Variants in EPHX2 observed in about 807,000 individuals in gnomAD.
EPHX2 encodes bifunctional epoxide hydrolase 2.
Under a neutral mutation model 78.7 loss-of-function variants are expected in EPHX2, and 74 were observed. That is an observed-to-expected ratio of 0.94 (90% CI 0.78 to 1.14). The LOEUF is 1.14. EPHX2 is among the 50% of genes most tolerant of loss of function. The pLI, the probability that EPHX2 is intolerant of heterozygous loss-of-function variation, is 0.00. For missense variants in EPHX2, 715 were observed against 702.5 expected (o/e 1.02, Z -0.20); for synonymous variants, 251 against 255.2 (o/e 0.98, Z 0.16).
intron 11 of EPHX2, among the ~76,000 whole-genome samples, chr8:27,525,089 TGTGTGTGTGTGTGTGTGTGC>T (rs879592155): frequency 2.3e-3 from 342 of 146,758 alleles, no homozygotes; most frequent in Non-Finnish European, 3.2e-3. Flanking sequence ...TGTGTGTGTG[TGTGTGTGTGTGTGTGTGTGC>T]GCGCGCGCGC....
intron 11 of EPHX2, 142 bp downstream of exon 11, chr8:27,522,650 T>C: frequency 2.4e-6 from 2 of 823,918 alleles, no homozygotes; most frequent in Non-Finnish European, 3.8e-6. Flanking sequence ...CTCTTTAGTG[T>C]CTGGTGACAC....
In EPHX2 at chr8:27,503,617, T is replaced by A; in HGVS notation, c.200T>A (p.Met67Lys). 1.9e-6 allele frequency: 3 copies of A among 1,611,486 alleles called. No individual in the cohort carries two copies. The highest frequency in any genetic ancestry group is 2.5e-6 in the Non-Finnish European group (3 of 1,178,848). ...TCACTTTGACAGTGGATACCACTCA[T>A]GGAAGAAAACTGCAGGAAGTGCTCC... ...EITLSQWIPL[M>K]EENCRKCSET... The change falls in exon 3 of 19, where the codon ATG becomes AAG. Residue 67 changes from methionine (M) to lysine (K), a missense_variant. By Grantham distance (95) the Met-to-Lys change is moderately conservative. Transcript: ENST00000521400.
chr8:27,505,549 G>A (rs928401611), intron 4 of EPHX2, among the ~76,000 whole-genome samples: 2 of 152,192 alleles, frequency 1.3e-5, no homozygotes, highest in African/African-American at 4.8e-5. Context: ...GACACCCTGT[G>A]CCCTGAGCCT....
intron 4 of EPHX2, 74 bp from the exon 5 acceptor site, chr8:27,506,798 T>A: frequency 6.4e-7 from 1 of 1,559,596 alleles, no homozygotes. Flanking sequence ...TTTAATCTCC[T>A]CATCATAAAA....
chr8:27,530,598 G>T (rs1438800216), intron 12 of EPHX2, among the ~76,000 whole-genome samples: 1 of 151,720 alleles, frequency 6.6e-6, no homozygotes, highest in East Asian at 1.9e-4. Flanking sequence ...TCTTTTTAAT[G>T]GCTGCATGGG....
intron 12 of EPHX2, among the ~76,000 whole-genome samples, chr8:27,526,448 C>T (rs969355229): frequency 6.6e-6 from 1 of 152,174 alleles, no homozygotes; most frequent in Non-Finnish European, 1.5e-5. Context: ...TGGGAATCCA[C>T]GAGCTTCCTT....
chr8:27,506,424 A>G (rs1814008464), intron 4 of EPHX2, among the ~76,000 whole-genome samples: 1 of 152,214 alleles, frequency 6.6e-6, no homozygotes, highest in Admixed American at 6.5e-5. Flanking sequence ...TACCAATTGG[A>G]CATGACACTT....
chr8:27,498,491 C>G (rs1376494822), intron 1 of EPHX2, among the ~76,000 whole-genome samples: 2 of 151,974 alleles, frequency 1.3e-5, no homozygotes, highest in African/African-American at 2.4e-5. Context: ...TATTCTTTCC[C>G]TAGTTCCTCT....
At chr8:27,546,142 AAAAG>A (rs2132814509), downstream of EPHX2, among the ~76,000 whole-genome samples, 1 of 152,040 alleles carries the variant, frequency 6.6e-6, no homozygotes, top group African/African-American at 2.4e-5. Flanking sequence ...AAAAAAAAAA[AAAAG>A]AGAAGTTCTC....
intron 13 of EPHX2, 39 bp downstream of exon 13, chr8:27,536,894 C>A: frequency 1.9e-6 from 3 of 1,607,760 alleles, no homozygotes; most frequent in East Asian, 2.2e-5. Context: ...CAGGAGGGGG[C>A]AGTTGTGAAG....
chr8:27,515,676 C>T, intron 6 of EPHX2, 42 bp from the exon 7 acceptor site: 2 of 1,562,950 alleles, frequency 1.3e-6, no homozygotes, highest in Non-Finnish European at 1.8e-6. Context: ...GTCCACTGGG[C>T]CTGGTGCTTG....
chr8:27,503,620 A>G lies in EPHX2; in HGVS notation c.203A>G (p.Glu68Gly). ...ITLSQWIPLMEENCRKCSETA... is the reference protein window; with the variant it reads ...ITLSQWIPLMGENCRKCSETA... ...CTTTGACAGTGGATACCACTCATGG[A>G]AGAAAACTGCAGGAAGTGCTCCGAG... The change falls in exon 3 of 19, where the codon GAA becomes GGA. Residue 68 changes from glutamate (E) to glycine (G), a missense_variant. Glu to Gly is a moderately conservative substitution (Grantham distance 98). Transcript: ENST00000521400. The G allele has an allele frequency of 6.2e-7, 1 of 1,611,876 alleles. No homozygotes were observed.
intron 6 of EPHX2, among the ~76,000 whole-genome samples, chr8:27,514,454 T>C (rs1329676593): frequency 6.6e-6 from 1 of 152,202 alleles, no homozygotes; most frequent in East Asian, 1.9e-4. Flanking sequence ...AGATATGTAA[T>C]TGGGGTAAGA....
At chr8:27,495,009 T>G (rs1331765760) in intron 1 of EPHX2, among the ~76,000 whole-genome samples, 2 of 152,244 alleles carry the variant, frequency 1.3e-5, no homozygotes, top group African/African-American at 4.8e-5. Flanking sequence ...GCAGCAATTT[T>G]GGCCTCAGTG....
chr8:27,548,424 A>G (rs1302648788), downstream of EPHX2, among the ~76,000 whole-genome samples: 2 of 152,194 alleles, frequency 1.3e-5, no homozygotes, highest in Admixed American at 6.5e-5. Flanking sequence ...ATGATAAAAT[A>G]CTTTCTTGCC....
rs1372081270 is a variant in EPHX2, at chr8:27,503,747, C to T, written c.330C>T (p.Leu110=). 2.5e-6 allele frequency: 4 copies of T among 1,612,370 alleles called. No individual in the cohort carries two copies. Among genetic ancestry groups the T allele is most frequent in the Non-Finnish European group, 3.4e-6 (4 of 1,179,926 alleles). ...ACCGCCCCATGCTCCAGGCAGCTCTCATGCTCAGGAAGAAAGGTAAGGATC... is the reference window on the plus strand; with the variant it reads ...ACCGCCCCATGCTCCAGGCAGCTCTTATGCTCAGGAAGAAAGGTAAGGATC... ...KINRPMLQAA[L]MLRKKGFTTA... is the part of the protein sequence containing the mutation. The change falls in exon 3 of 19, where the codon CTC becomes CTT. Residue 110 remains leucine (L), a synonymous_variant. Transcript: ENST00000521400.
chr8:27,493,448 G>A (rs1030032551), intron 1 of EPHX2, among the ~76,000 whole-genome samples: 1 of 152,208 alleles, frequency 6.6e-6, no homozygotes, highest in African/African-American at 2.4e-5. Flanking sequence ...GGATTGTAGA[G>A]TAAGGATAGA....
In EPHX2 at chr8:27,538,858, C is replaced by G. The variant is rs115498379; in HGVS notation, c.1276+166C>G. ...GCATAGGGCTGACTCTAACCCCAGG[C>G]CTGAGCACACAGCCTGGAGTTCCTA... is the stretch of plus-strand genomic sequence containing the variant. On this transcript the variant is annotated intron_variant, in intron 14 of 18. Transcript: ENST00000521400. 493 of 684,662 alleles carry G rather than the reference C, an allele frequency of 7.2e-4. 3 individuals are homozygous for G. In the African/African-American group the frequency reaches 7.4e-3, roughly 10 times the overall value. The allele number at this position is 684,662 out of a possible 1,614,324, so 42.4% of individuals were successfully genotyped here.
intron 4 of EPHX2, 39 bp from the exon 5 acceptor site, chr8:27,506,833 G>A (rs957039459): frequency 4.4e-6 from 7 of 1,601,578 alleles, no homozygotes; most frequent in African/African-American, 1.3e-5. Flanking sequence ...ATTCTGGTGA[G>A]TTTCTTTCTG....
Sources: allele counts gnomAD v4.1 joint callset (sites outside exome capture counted in the v4.1 genomes callset), GRCh38; gene constraint gnomAD v4.1.1; transcripts MANE v1.5; gene names NCBI Gene and HGNC (gene_info 2026-07-23, HGNC 2026-07-21).